The following HIP1R variants were observed in gnomAD, a reference collection of about 807,000 sequenced individuals.
The protein encoded by HIP1R is huntingtin-interacting protein 1-related protein.
HIP1R carries 135 observed loss-of-function variants against 144.2 expected under a neutral mutation model. The observed-to-expected ratio is 0.94, with a 90% CI of 0.81 to 1.08. The LOEUF is 1.08. Ranked by LOEUF, HIP1R falls within the 50% of genes least tolerant of loss-of-function variation. The probability of loss-of-function intolerance (pLI) is 0.00; values close to 1 mark genes in which losing one functional copy is unlikely to be tolerated. For missense variants in HIP1R, 1,462 were observed against 1,432.8 expected, an observed-to-expected ratio of 1.02 and a Z score of -0.33; for synonymous variants, 698 against 612.8, an observed-to-expected ratio of 1.14 and a Z score of -2.05.
At chr12:122,848,429 C>T in intron 2 of HIP1R, 37 bp from the exon 3 acceptor site, 1 of 1,586,762 alleles carries the variant, frequency 6.3e-7, no homozygotes, top group Non-Finnish European at 8.6e-7. Flanking sequence ...CCCCCGTGCT[C>T]CAGTCTCTGC....
chr12:122,837,973 C>A (rs1419761556), intron 1 of HIP1R, among the ~76,000 whole-genome samples: 1 of 152,180 alleles, frequency 6.6e-6, no homozygotes, highest in Non-Finnish European at 1.5e-5. Flanking sequence ...GACCTGGCTT[C>A]CTTTGTAATA....
Position 122,835,558 on chromosome 12 carries a change from G to C in HIP1R, c.8G>C (p.Ser3Thr). 7.4e-7 allele frequency: 1 copy of C among 1,348,728 alleles called. No individual in the cohort carries two copies. The allele number at this position is 1,348,728 out of a possible 1,614,324, so 83.5% of individuals were successfully genotyped here. ...GCGGGCGGCGGCGGCAGGATGAACAGCATCAAGAACGTGCCGGCGCGGGTG... is the reference window on the plus strand; with the variant it reads ...GCGGGCGGCGGCGGCAGGATGAACACCATCAAGAACGTGCCGGCGCGGGTG... MN[S>T]IKNVPARVLS... is the part of the protein sequence containing the mutation. Residue 3 changes from serine (S) to threonine (T), a missense_variant, in exon 1 of 32, where the codon AGC becomes ACC. By Grantham distance (58) the Ser-to-Thr change is moderately conservative. Coordinates refer to ENST00000253083, the MANE Select transcript of HIP1R (RefSeq NM_003959.3).
At chr12:122,837,813 G>T (rs2032949787) in intron 1 of HIP1R, among the ~76,000 whole-genome samples, 1 of 152,202 alleles carries the variant, frequency 6.6e-6, no homozygotes, top group Non-Finnish European at 1.5e-5. Context: ...TAAGAATGAG[G>T]TTTTGTACGT....
intron 26 of HIP1R, 62 bp from the exon 27 acceptor site, chr12:122,860,361 C>T: frequency 6.3e-7 from 1 of 1,582,930 alleles, no homozygotes; most frequent in Middle Eastern, 1.7e-4. Flanking sequence ...CCCTTGAGGG[C>T]CACTTTCCAC....
At chr12:122,859,340 C>A in intron 22 of HIP1R, 86 bp from the exon 23 acceptor site, 1 of 1,471,858 alleles carries the variant, frequency 6.8e-7, no homozygotes, top group Non-Finnish European at 9.4e-7. Flanking sequence ...CCTCCTCGAT[C>A]CCTGTGGTCC....
Position 122,849,883 on chromosome 12 carries a change from G to T in HIP1R, c.366G>T (p.Leu122Phe). 2.5e-6 allele frequency: 4 copies of T among 1,612,934 alleles called. No individual in the cohort carries two copies. The highest frequency in any genetic ancestry group is 3.4e-6 in the Non-Finnish European group (4 of 1,179,430). ...IREIGDLWGH[L>F]HDRYGQLVNV... ...TGTCTGTCTTCACACAGGGACATTT[G>T]CATGACCGCTACGGACAGCTGGTGA... Residue 122 changes from leucine to phenylalanine, a missense_variant, in exon 5 of 32, where the codon TTG (leucine) becomes TTT (phenylalanine). Around this residue, in one of 2 missense-constraint regions of HIP1R, gnomAD observed 350 missense variants for 421.1 expected, o/e 0.83. Transcript: ENST00000253083.
intron 8 of HIP1R, among the ~76,000 whole-genome samples, chr12:122,854,548 T>C (rs1464960955): frequency 2.0e-5 from 3 of 152,188 alleles, no homozygotes; most frequent in Non-Finnish European, 4.4e-5. Context: ...AACCAACCCC[T>C]TGAAAGGGTC....
chr12:122,849,967 G>C lies in HIP1R; in HGVS notation c.438+12G>C. On this transcript the variant is annotated intron_variant, in intron 5 of 31. Coordinates refer to ENST00000253083, the MANE Select transcript of HIP1R (RefSeq NM_003959.3). ...CCTTCCACCTCAAGGTGGTTTCCTC[G>C]GGGGAGTCATGGGGCTGAGGGACCC... 2.5e-6 allele frequency: 4 copies of C among 1,603,992 alleles called. No homozygotes were observed. The highest frequency in any genetic ancestry group is 3.4e-6 in the Non-Finnish European group (4 of 1,171,248).
chr12:122,860,844 G>GGCTGCCAAGCCCAGGCCTGCT, intron 28 of HIP1R, 60 bp downstream of exon 28: 2 of 1,597,340 alleles, frequency 1.3e-6, no homozygotes, highest in Non-Finnish European at 1.7e-6. Context: ...CCTGGGCTGT[G>GGCTGCCAAGCCCAGGCCTGCT]GCTGCCAAGC....
At chr12:122,857,806 A>AT (rs1314871591) in intron 18 of HIP1R, 1 of 353,432 alleles carries the variant, frequency 2.8e-6, no homozygotes, top group African/African-American at 2.1e-5. Context: ...CACGGTCTTG[A>AT]TTTGTGTTTC....
chr12:122,857,827 A>C (rs1301243193), intron 18 of HIP1R: 3 of 385,436 alleles, frequency 7.8e-6, no homozygotes, highest in Non-Finnish European at 1.4e-5. Flanking sequence ...CCTGATAGCA[A>C]AGGGTGCTAC....
In HIP1R at chr12:122,855,941, C is replaced by T. The variant is rs369347427; in HGVS notation, c.1128+38C>T. The T allele has an allele frequency of 3.2e-4, 504 of 1,568,188 alleles. 2 individuals carry two copies. The African/African-American group carries it at 5.3e-3, about 17-fold the overall frequency. ...GATGGGTGGGGGCCAGGGCCCCTCA[C>T]GGCCCAGGCAGGGCCCCACGTCACA... On this transcript the variant is annotated intron_variant, in intron 13 of 31. Transcript: ENST00000253083.
chr12:122,859,963 G>C, intron 24 of HIP1R, 84 bp from the exon 25 acceptor site: 3 of 1,476,552 alleles, frequency 2.0e-6, no homozygotes, highest in Non-Finnish European at 9.1e-7. Flanking sequence ...CCCACCTGCT[G>C]AGCCCTGATG....
In HIP1R at chr12:122,835,513, G is replaced by A; in HGVS notation, c.-38G>A. On this transcript the variant is annotated 5_prime_UTR_variant, in exon 1 of 32. Coordinates refer to ENST00000253083, the MANE Select transcript of HIP1R (RefSeq NM_003959.3). ...GCCGGACCGTGAGGCTGTGAGTCGCGCGGACGGAGCCGGACAAAAGCGGGC... is the reference window on the plus strand; with the variant it reads ...GCCGGACCGTGAGGCTGTGAGTCGCACGGACGGAGCCGGACAAAAGCGGGC... 1.5e-6 allele frequency: 2 copies of A among 1,300,524 alleles called. No individual in the cohort carries two copies. The highest frequency in any genetic ancestry group is 9.8e-7 in the Non-Finnish European group (1 of 1,017,170). 80.6% of individuals were successfully genotyped at this position (1,300,524 alleles called of 1,614,324 possible).
At position 122,855,070 on chromosome 12, in the gene HIP1R, G is replaced by A. The variant is rs1319262164; in HGVS notation, c.794G>A (p.Arg265His). 2.5e-6 allele frequency: 4 copies of A among 1,613,878 alleles called. No homozygotes were observed. Among genetic ancestry groups the A allele is most frequent in the East Asian group, 2.2e-5 (1 of 44,872 alleles). The stretch of plus-strand genomic sequence containing the variant: ...CTCTGCAGCCTCAGGAACTTCTTCC[G>A]CAGAGCCTCCGACATGCTGTACTTC... ...EQFHSLRNFF[R>H]RASDMLYFKR... Residue 265 changes from arginine to histidine, a missense_variant, in exon 10 of 32, where the codon CGC becomes CAC. Physicochemically the swap from Arg to His is conservative, Grantham distance 29. Coordinates refer to ENST00000253083, the MANE Select transcript of HIP1R (RefSeq NM_003959.3).
In HIP1R at chr12:122,862,756, G is replaced by C. The variant is rs962529339; in HGVS notation, c.*1003G>C. The C allele has an allele frequency of 3.3e-5, 5 of 152,070 alleles. No homozygotes were observed. Among genetic ancestry groups the C allele is most frequent in the Non-Finnish European group, 5.9e-5 (4 of 67,994 alleles). 9.4% of individuals were successfully genotyped at this position (152,070 alleles called of 1,614,324 possible). The stretch of plus-strand genomic sequence containing the variant: ...GGGGTGGGACCAGGCTGGGAGGACA[G>C]AGCCAGCAGCTGCCATGCCCTCCTG... On this transcript the variant is annotated 3_prime_UTR_variant, in exon 32 of 32. Transcript: ENST00000253083.
intron 22 of HIP1R, 71 bp from the exon 23 acceptor site, chr12:122,859,355 C>G: frequency 6.6e-7 from 1 of 1,509,138 alleles, no homozygotes; most frequent in Non-Finnish European, 9.2e-7. Context: ...TGGTCCCCAA[C>G]CTCTTTCCCA....
chr12:122,854,077 C>G lies in HIP1R; in HGVS notation c.612C>G (p.Ser204=), dbSNP rs369456224. Residue 204 remains serine, a synonymous_variant, in exon 8 of 32, where the codon TCC becomes TCG. Coordinates refer to ENST00000253083, the MANE Select transcript of HIP1R (RefSeq NM_003959.3). ...AGCTCAACACGGCCATCGCCGTATC[C>G]CAGATGTCCTCAGGCCAGTGCCGCC... ...FRQLNTAIAV[S]QMSSGQCRLA... The G allele has an allele frequency of 5.0e-6, 8 of 1,613,736 alleles. No individual in the cohort carries two copies. In the African/African-American group the frequency reaches 6.7e-5, roughly 13 times the overall value.
intron 13 of HIP1R, 38 bp from the exon 14 acceptor site, chr12:122,855,942 G>A (rs879188891): frequency 3.2e-6 from 5 of 1,568,416 alleles, no homozygotes; most frequent in East Asian, 2.4e-5. Flanking sequence ...GGCCCCTCAC[G>A]GCCCAGGCAG....
Sources: allele counts gnomAD v4.1 joint callset (sites outside exome capture counted in the v4.1 genomes callset), GRCh38; gene constraint gnomAD v4.1.1; regional missense constraint gnomAD v4.1.1; transcripts MANE v1.5; gene names NCBI Gene and HGNC (gene_info 2026-07-23, HGNC 2026-07-21).